The following KIAA0753 variants were observed in gnomAD, a reference collection of about 807,000 sequenced individuals.
KIAA0753 encodes KIAA0753.
A neutral mutation model predicts 116.9 loss-of-function variants in KIAA0753; 114 were observed. The ratio of observed to expected loss-of-function variants is 0.98; its 90% CI spans 0.84 to 1.14. The LOEUF is 1.14. Ranked by LOEUF, KIAA0753 falls within the 50% of genes most tolerant of loss-of-function variation. The pLI, the probability that KIAA0753 is intolerant of heterozygous loss-of-function variation, is 0.00. For missense variants in KIAA0753, 1,156 were observed against 1,172.4 expected, an observed-to-expected ratio of 0.99 and a Z score of 0.20; for synonymous variants, 405 against 413.1, an observed-to-expected ratio of 0.98 and a Z score of 0.24.
intron 16 of KIAA0753, among the ~76,000 whole-genome samples, chr17:6,594,258 C>T (rs942173638): frequency 2.1e-5 from 3 of 140,926 alleles, no homozygotes; most frequent in Non-Finnish European, 4.5e-5. Context: ...CAGTCCTTTA[C>T]CACTCACTTC....
chr17:6,579,586 G>C lies in KIAA0753; in HGVS notation c.*161C>G. The C allele has an allele frequency of 1.6e-6, 1 of 636,534 alleles. No homozygotes were observed. The highest frequency in any genetic ancestry group is 2.8e-6 in the Non-Finnish European group (1 of 353,314). 39.4% of individuals were successfully genotyped at this position (636,534 alleles called of 1,614,324 possible). A position where few individuals can be genotyped will look rare whatever the true frequency, so the allele number is the denominator to read the frequency against. On this transcript the variant is annotated 3_prime_UTR_variant, in exon 19 of 19. Transcript: ENST00000361413. ...AACCATTGCCATGACAAAAGAAAAT[G>C]CAAAGTGAGGATGACCTCCCCGGCA...
At chr17:6,587,294 C>A (rs1968651298) in intron 18 of KIAA0753, among the ~76,000 whole-genome samples, 1 of 152,026 alleles carries the variant, frequency 6.6e-6, no homozygotes, top group Admixed American at 6.6e-5. Context: ...CTAGACTGTT[C>A]ATATGCACTG....
chr17:6,608,890 C>A (rs564751047), intron 9 of KIAA0753, among the ~76,000 whole-genome samples: 1 of 152,284 alleles, frequency 6.6e-6, no homozygotes, highest in Admixed American at 6.5e-5. Flanking sequence ...AAAAGACAGT[C>A]CATTGTATAT....
intron 14 of KIAA0753, 34 bp from the exon 15 acceptor site, chr17:6,596,377 TG>T (rs1420971969): frequency 1.3e-6 from 1 of 743,404 alleles, no homozygotes; most frequent in Admixed American, 2.5e-5. Context: ...AGGAGAGGCA[TG>T]GGGTGGATTA....
chr17:6,624,448 A>T (rs1048265526), intron 4 of KIAA0753, among the ~76,000 whole-genome samples: 4 of 151,818 alleles, frequency 2.6e-5, no homozygotes, highest in African/African-American at 9.7e-5. Context: ...ATGTATAAGC[A>T]TCTTGGGGGT....
chr17:6,609,230 C>T (rs1567561083), intron 9 of KIAA0753, among the ~76,000 whole-genome samples: 1 of 152,228 alleles, frequency 6.6e-6, no homozygotes, highest in East Asian at 1.9e-4. Flanking sequence ...CTGTAGTCAC[C>T]TATCTTCTCC....
rs973568230 is a variant in KIAA0753 at position 6,578,523 on chromosome 17, T to A, written c.*1224A>T. On this transcript the variant is annotated 3_prime_UTR_variant, in exon 19 of 19. Coordinates refer to ENST00000361413, the MANE Select transcript of KIAA0753 (RefSeq NM_014804.3). ...AAATTAAGCAGGAAAACATTAACATTAAATGAAAATCAATTTTGCACAAAT... is the reference window on the plus strand; with the variant it reads ...AAATTAAGCAGGAAAACATTAACATAAAATGAAAATCAATTTTGCACAAAT... The A allele has an allele frequency of 5.3e-5, 8 of 152,200 alleles. No homozygotes were observed. The highest frequency in any genetic ancestry group is 1.9e-4 in the African/African-American group (8 of 41,448). The allele number at this position is 152,200 out of a possible 1,614,324, so 9.4% of individuals were successfully genotyped here. A position where few individuals can be genotyped will look rare whatever the true frequency, so the allele number is the denominator to read the frequency against.
intron 8 of KIAA0753, among the ~76,000 whole-genome samples, chr17:6,611,553 A>G (rs1970547547): frequency 1.3e-5 from 2 of 152,032 alleles, no homozygotes; most frequent in South Asian, 4.2e-4. Flanking sequence ...TCGCTTCCCA[A>G]ATTGCTGGGA....
Position 6,584,825 on chromosome 17 carries a change from C to T in KIAA0753, c.2786+4954G>A, listed in dbSNP as rs560604165. Among the ~76,000 whole-genome samples, 5 of 152,266 alleles carry T rather than the reference C, an allele frequency of 3.3e-5. No homozygotes were observed. The South Asian group carries it at 1.0e-3, about 32-fold the overall frequency. ...GTGAACTAAATTTTTAAACACTTTG[C>T]CCACCTGAAAATGTGTTTTTGTTTG... On this transcript the variant is annotated intron_variant, in intron 18 of 18. Coordinates refer to ENST00000361413, the MANE Select transcript of KIAA0753 (RefSeq NM_014804.3).
At chr17:6,632,390 G>A (rs145356996) in intron 2 of KIAA0753, among the ~76,000 whole-genome samples, 1 of 152,270 alleles carries the variant, frequency 6.6e-6, no homozygotes, top group East Asian at 1.9e-4. Flanking sequence ...AAATAAATAA[G>A]TAAGTACTAG....
At position 6,622,968 on chromosome 17, in the gene KIAA0753, T is replaced by A; in HGVS notation, c.1018A>T (p.Ile340Phe). The change falls in exon 6 of 19, where the codon ATT becomes TTT. Residue 340 changes from isoleucine (I) to phenylalanine (F), a missense_variant. Transcript: ENST00000361413. ...ACAGAACAAAGTGAAAGCTGGCGAA[T>A]AAGGCTGCCCAGTTCCTTACACCGA... is the stretch of plus-strand genomic sequence containing the variant. ...PARCKELGSL[I>F]RQLSLCSVKL... 2 of 1,614,156 alleles carry A rather than the reference T, an allele frequency of 1.2e-6. No individual in the cohort carries two copies. Among genetic ancestry groups the A allele is most frequent in the African/African-American group, 1.3e-5 (1 of 75,046 alleles).
intron 18 of KIAA0753, among the ~76,000 whole-genome samples, chr17:6,584,555 T>C (rs1968425190): frequency 6.6e-6 from 1 of 152,188 alleles, no homozygotes; most frequent in Non-Finnish European, 1.5e-5. Context: ...CTGTTTTTCT[T>C]CTTCTTCTTC....
In KIAA0753 at chr17:6,579,445, A is replaced by T. The variant is rs141551805; in HGVS notation, c.*302T>A. The T allele has an allele frequency of 5.3e-4, 141 of 263,768 alleles. No individual in the cohort carries two copies. Among genetic ancestry groups the T allele is most frequent in the African/African-American group, 2.6e-3 (120 of 46,358 alleles). The allele number at this position is 263,768 out of a possible 1,614,324, so 16.3% of individuals were successfully genotyped here. A position where few individuals can be genotyped will look rare whatever the true frequency, so the allele number is the denominator to read the frequency against. ...AACATTTTCATCACCAAACTGAGCC[A>T]GAGGAATGAACATGGTATTTCAATA... is the stretch of plus-strand genomic sequence containing the variant. On this transcript the variant is annotated 3_prime_UTR_variant, in exon 19 of 19. Transcript: ENST00000361413.
Position 6,620,773 on chromosome 17 carries a change from C to CT in KIAA0753, c.1315+14dup. On this transcript the variant is annotated intron_variant, in intron 7 of 18. Transcript: ENST00000361413. ...TGAATAAAATGTCTTACAATAAACA[C>CT]TTTAAGACACATACCGGCAAGAAGC... 6.2e-7 allele frequency: 1 copy of CT among 1,609,854 alleles called. No individual in the cohort carries two copies. The highest frequency in any genetic ancestry group is 8.5e-7 in the Non-Finnish European group (1 of 1,176,110).
intron 11 of KIAA0753, 52 bp from the exon 12 acceptor site, chr17:6,607,014 G>T: frequency 6.6e-7 from 1 of 1,525,114 alleles, no homozygotes; most frequent in African/African-American, 1.4e-5. Context: ...CAGAGTCAGG[G>T]CTCCCTTGAG....
intron 18 of KIAA0753, among the ~76,000 whole-genome samples, chr17:6,580,866 G>A (rs1327741790): frequency 6.7e-6 from 1 of 150,010 alleles, no homozygotes; most frequent in Non-Finnish European, 1.5e-5. Flanking sequence ...GACGGGGGAG[G>A]ACACTAGGGG....
Position 6,612,158 on chromosome 17 carries a change from A to C in KIAA0753, c.1316-10T>G. 3 of 1,589,698 alleles carry C rather than the reference A, an allele frequency of 1.9e-6. No homozygotes were observed. The highest frequency in any genetic ancestry group is 1.7e-6 in the Non-Finnish European group (2 of 1,166,534). On this transcript the variant is annotated splice_polypyrimidine_tract_variant and intron_variant, in intron 7 of 18. Transcript: ENST00000361413. ...TCGGGCTGATACTTATCTACATGGA[A>C]ATTTTTGAAAAACAAACTGAGGAAA...
intron 10 of KIAA0753, among the ~76,000 whole-genome samples, chr17:6,607,818 T>A: frequency 6.6e-6 from 1 of 152,228 alleles, no homozygotes; most frequent in East Asian, 1.9e-4. Context: ...TCTCTTCTTA[T>A]GGAATGTTCT....
At chr17:6,620,511 T>C (rs1212058927) in intron 7 of KIAA0753, among the ~76,000 whole-genome samples, 2 of 152,088 alleles carry the variant, frequency 1.3e-5, no homozygotes, top group Non-Finnish European at 1.5e-5. Flanking sequence ...ATAAACTTTT[T>C]TTAAAGTAGG....
Sources: gnomAD v4.1 joint callset for allele counts (sites outside exome capture counted in the v4.1 genomes callset) on GRCh38, gnomAD v4.1.1 for gene constraint, MANE v1.5 for transcripts, NCBI Gene and HGNC (gene_info 2026-07-23, HGNC 2026-07-21) for gene names.